Variants in NECAB1 observed in about 807,000 individuals in gnomAD.
The protein encoded by NECAB1 is N-terminal EF-hand calcium-binding protein 1.
In NECAB1, 29 loss-of-function variants were observed where a neutral mutation model predicts 57.5. The observed-to-expected ratio is 0.50, with a 90% CI of 0.38 to 0.69. The LOEUF (loss-of-function observed/expected upper bound fraction) is 0.69, where lower values mean the gene tolerates loss of function less well. NECAB1 is among the 30% of genes least tolerant of loss of function. The pLI is 0.00. For missense variants in NECAB1, 372 were observed against 413.8 expected (o/e 0.90, Z 0.88); for synonymous variants, 142 against 147.7 (o/e 0.96, Z 0.28).
At chr8:90,801,792 AAG>A (rs1811763030) in intron 2 of NECAB1, 77 bp downstream of exon 2, 1 of 1,019,416 alleles carries the variant, frequency 9.8e-7, no homozygotes, top group Admixed American at 2.8e-5. Flanking sequence ...AATCAGGAAA[AAG>A]GGGACAGTCC....
At chr8:90,920,310 C>A (rs534206515) in intron 6 of NECAB1, among the ~76,000 whole-genome samples, 1 of 152,196 alleles carries the variant, frequency 6.6e-6, no homozygotes, top group African/African-American at 2.4e-5. Flanking sequence ...GATTTATGCC[C>A]GTAATATCTG....
At chr8:90,905,342 G>A (rs1208081662) in intron 5 of NECAB1, among the ~76,000 whole-genome samples, 2 of 152,132 alleles carry the variant, frequency 1.3e-5, no homozygotes, top group Non-Finnish European at 2.9e-5. Flanking sequence ...GCAGTGTTGG[G>A]CAATTGTGAC....
intron 5 of NECAB1, among the ~76,000 whole-genome samples, chr8:90,907,147 T>TGAGAGAGAGAGAGAGAGA (rs1310639488): frequency 9.4e-5 from 10 of 106,608 alleles, no homozygotes; most frequent in African/African-American, 1.7e-4. Context: ...TGTGTGTGTG[T>TGAGAGAGAGAGAGAGAGA]GTGTGAGAGA....
chr8:90,885,696 A>C, intron 5 of NECAB1, among the ~76,000 whole-genome samples: 1 of 151,878 alleles, frequency 6.6e-6, no homozygotes. Context: ...TTCTCGTTTA[A>C]TTTTTTTTTA....
At chr8:90,916,398 A>G (rs987601204) in intron 5 of NECAB1, among the ~76,000 whole-genome samples, 1 of 152,188 alleles carries the variant, frequency 6.6e-6, no homozygotes, top group African/African-American at 2.4e-5. Flanking sequence ...GGGAAAACTG[A>G]GAACCAGGAA....
chr8:90,864,998 T>C (rs13258559), intron 3 of NECAB1, among the ~76,000 whole-genome samples: 1 of 151,732 alleles, frequency 6.6e-6, no homozygotes, highest in Non-Finnish European at 1.5e-5. Context: ...GGGGCGCAAA[T>C]GGAGAACTAT....
intron 5 of NECAB1, among the ~76,000 whole-genome samples, chr8:90,900,017 C>A (rs1298272420): frequency 6.6e-6 from 1 of 152,084 alleles, no homozygotes; most frequent in Non-Finnish European, 1.5e-5. Flanking sequence ...AATGGGGAGC[C>A]TTGAAGAGTA....
intron 12 of NECAB1, among the ~76,000 whole-genome samples, chr8:90,953,608 T>G (rs1227428347): frequency 6.6e-6 from 1 of 152,226 alleles, no homozygotes; most frequent in African/African-American, 2.4e-5. Context: ...TATTGGGACA[T>G]CCCACCTTAT....
chr8:90,805,118 A>T (rs1023332456), intron 2 of NECAB1, among the ~76,000 whole-genome samples: 2 of 152,194 alleles, frequency 1.3e-5, no homozygotes, highest in Admixed American at 1.3e-4. Flanking sequence ...GCTATTTACC[A>T]TATATGGAGT....
chr8:90,811,049 G>C (rs1811950797), intron 2 of NECAB1, among the ~76,000 whole-genome samples: 1 of 151,734 alleles, frequency 6.6e-6, no homozygotes, highest in Non-Finnish European at 1.5e-5. Context: ...CCAGGTTCAA[G>C]AGATTCTCCT....
intron 6 of NECAB1, among the ~76,000 whole-genome samples, chr8:90,922,688 T>A (rs1810152636): frequency 6.6e-6 from 1 of 151,886 alleles, no homozygotes; most frequent in African/African-American, 2.4e-5. Context: ...AGACGGGGTT[T>A]CACCATGTTG....
chr8:90,910,845 G>C (rs1809813479), intron 5 of NECAB1, among the ~76,000 whole-genome samples: 1 of 152,092 alleles, frequency 6.6e-6, no homozygotes, highest in Admixed American at 6.6e-5. Flanking sequence ...GAGTTCTCTT[G>C]CTCTCAGGTT....
chr8:90,849,686 ATTTTTTTT>A (rs34779201), intron 3 of NECAB1, among the ~76,000 whole-genome samples: 8,317 of 84,582 alleles, frequency 0.098, 400 homozygotes, highest in African/African-American at 0.2. Context: ...GTTTCCAGTA[ATTTTTTTT>A]TTTTTTTTTT....
chr8:90,893,601 G>A (rs925574589), intron 5 of NECAB1, among the ~76,000 whole-genome samples: 2 of 152,086 alleles, frequency 1.3e-5, no homozygotes, highest in African/African-American at 4.8e-5. Context: ...CACATCCCCA[G>A]ACTGTTTCTA....
intron 5 of NECAB1, among the ~76,000 whole-genome samples, chr8:90,906,874 C>CATATATATATATATATGTGTGTATAT: frequency 2.3e-5 from 1 of 42,644 alleles, no homozygotes; most frequent in African/African-American, 2.1e-4. Context: ...ATATGATATA[C>CATATATATATATATATGTGTGTATAT]ACATATATAT....
rs112340087 is a variant in NECAB1, at chr8:90,855,576, T to C, written c.234-16552T>C. 7.2e-3 allele frequency among the ~76,000 whole-genome samples: 1,097 copies of C among 152,290 alleles called. 11 individuals are homozygous for C. Among genetic ancestry groups the C allele is most frequent in the Non-Finnish European group, 0.012 (788 of 68,014 alleles). ...TATGAATTAGTGAATTATCCTTCCA[T>C]CTATAATCAGGAAGGATCTAGAGAA... On this transcript the variant is annotated intron_variant, in intron 3 of 12. Transcript: ENST00000417640.
chr8:90,906,885 A>ATATATGTATATATATATATATGTATG (rs1554574061), intron 5 of NECAB1, among the ~76,000 whole-genome samples: 1,219 of 120,886 alleles, frequency 0.01, 54 homozygotes, highest in African/African-American at 0.039. Flanking sequence ...ACATATATAT[A>ATATATGTATATATATATATATGTATG]TATATATATA....
At chr8:90,946,836 A>G (rs963571411) in intron 10 of NECAB1, among the ~76,000 whole-genome samples, 3 of 152,224 alleles carry the variant, frequency 2.0e-5, no homozygotes, top group Non-Finnish European at 4.4e-5. Flanking sequence ...AGGCTAGGAA[A>G]CAAGTGTCCA....
In NECAB1 at chr8:90,958,934, C is replaced by A. The variant is rs1267503371; in HGVS notation, c.*3422C>A. Reference sequence around the variant, plus strand: ...TAAGAATAAATTGAATTGTCACAGTCCATTACAGTTATTGTTGCTAGATCC... The same window carrying A: ...TAAGAATAAATTGAATTGTCACAGTACATTACAGTTATTGTTGCTAGATCC... On this transcript the variant is annotated 3_prime_UTR_variant, in exon 13 of 13. Transcript: ENST00000417640. The A allele has an allele frequency of 1.2e-6, 1 of 847,050 alleles. No homozygotes were observed. The highest frequency in any genetic ancestry group is 1.7e-5 in the South Asian group (1 of 59,358). 52.5% of individuals were successfully genotyped at this position (847,050 alleles called of 1,614,324 possible). A position where few individuals can be genotyped will look rare whatever the true frequency, so the allele number is the denominator to read the frequency against.
Sources: allele counts gnomAD v4.1 joint callset (sites outside exome capture counted in the v4.1 genomes callset), GRCh38; gene constraint gnomAD v4.1.1; transcripts MANE v1.5; gene names NCBI Gene and HGNC (gene_info 2026-07-23, HGNC 2026-07-21).